PAPPA: variants seen among roughly 807,000 people sequenced by gnomAD.
PAPPA encodes pappalysin 1, also known as pappalysin-1.
Under a neutral mutation model 164.0 loss-of-function variants are expected in PAPPA, and 60 were observed. That is an observed-to-expected ratio of 0.37 (90% CI 0.30 to 0.45). The LOEUF is 0.45. PAPPA is among the 20% of genes least tolerant of loss of function. The pLI, the probability that PAPPA is intolerant of heterozygous loss-of-function variation, is 1.00. For synonymous variants in PAPPA, 875 were observed against 814.1 expected, an observed-to-expected ratio of 1.07 and a Z score of -1.27; for missense variants, 1,782 against 2,087.3, an observed-to-expected ratio of 0.85 and a Z score of 2.85.
chr9:116,155,806 C>A (rs949458272), intron 1 of PAPPA, among the ~76,000 whole-genome samples: 21 of 152,134 alleles, frequency 1.4e-4, no homozygotes, highest in Admixed American at 1.4e-3. Flanking sequence ...CCCAAGAATA[C>A]GTCTCCCGAA....
At chr9:116,289,135 T>TATATATATATATATATAGC (rs1564211957) in intron 9 of PAPPA, among the ~76,000 whole-genome samples, 2 of 49,706 alleles carry the variant, frequency 4.0e-5, no homozygotes, top group Admixed American at 3.0e-4. Context: ...TATATATATA[T>TATATATATATATATATAGC]ATATATATAT....
chr9:116,201,920 C>T (rs1844175747), intron 2 of PAPPA, among the ~76,000 whole-genome samples: 1 of 152,190 alleles, frequency 6.6e-6, no homozygotes, highest in African/African-American at 2.4e-5. Flanking sequence ...AGGGCATCTA[C>T]GCATGGCCAG....
At chr9:116,260,924 C>T (rs749379366) in intron 7 of PAPPA, among the ~76,000 whole-genome samples, 4 of 152,290 alleles carry the variant, frequency 2.6e-5, no homozygotes, top group South Asian at 2.1e-4. Flanking sequence ...TGATCCAAAA[C>T]AAAGTCTTTT....
At chr9:116,380,582 A>C (rs1588028506) in intron 20 of PAPPA, among the ~76,000 whole-genome samples, 1 of 152,352 alleles carries the variant, frequency 6.6e-6, no homozygotes, top group East Asian at 1.9e-4. Flanking sequence ...GGCAGGAAGG[A>C]AAAGAAAGGG....
At chr9:116,263,691 C>T (rs573944992) in intron 7 of PAPPA, among the ~76,000 whole-genome samples, 5 of 152,178 alleles carry the variant, frequency 3.3e-5, no homozygotes, top group Middle Eastern at 3.4e-3. Flanking sequence ...GGTAAAACAC[C>T]GGCCCATGAC....
At chr9:116,165,498 T>C (rs543611476) in intron 1 of PAPPA, among the ~76,000 whole-genome samples, 2 of 152,324 alleles carry the variant, frequency 1.3e-5, no homozygotes, top group South Asian at 4.1e-4. Flanking sequence ...CTCTTCTCTG[T>C]ACCTTAAATC....
In PAPPA at chr9:116,220,647, G is replaced by T. The variant is rs553596452; in HGVS notation, c.2111+518G>T. Reference sequence around the variant, plus strand: ...CTCACTCCTGTAATTCCAGCACTTTGGGAGGCCAAGGTGGGCAGATCATGA... The same window carrying T: ...CTCACTCCTGTAATTCCAGCACTTTTGGAGGCCAAGGTGGGCAGATCATGA... On this transcript the variant is annotated intron_variant, in intron 5 of 21. Transcript: ENST00000328252. 1.1e-3 allele frequency among the ~76,000 whole-genome samples: 168 copies of T among 151,886 alleles called. 4 individuals are homozygous for T. The South Asian group carries it at 0.032, about 29-fold the overall frequency.
At position 116,392,372 on chromosome 9, in the gene PAPPA, T is replaced by A. The variant is rs959115412; in HGVS notation, c.4777-4137T>A. Among the ~76,000 whole-genome samples, 15 of 152,286 alleles carry A rather than the reference T, an allele frequency of 9.8e-5. No homozygotes were observed. In the South Asian group the frequency reaches 1.0e-3, roughly 11 times the overall value. On this transcript the variant is annotated intron_variant, in intron 21 of 21. Coordinates refer to ENST00000328252, the MANE Select transcript of PAPPA (RefSeq NM_002581.5). ...GACTGGTACTGAGGCCTGAGACAGG[T>A]TAGTTTTGCTTTAAACATTCTGAAG...
chr9:116,344,073 C>A (rs1298363073), intron 13 of PAPPA, among the ~76,000 whole-genome samples: 1 of 152,118 alleles, frequency 6.6e-6, no homozygotes, highest in African/African-American at 2.4e-5. Context: ...GCCCAGCTAC[C>A]ATTTACTGAG....
At chr9:116,246,862 T>C (rs1182372201) in intron 7 of PAPPA, among the ~76,000 whole-genome samples, 1 of 151,782 alleles carries the variant, frequency 6.6e-6, no homozygotes, top group Non-Finnish European at 1.5e-5. Context: ...AAAATAACAA[T>C]AATAATAATT....
chr9:116,398,811 A>G lies in PAPPA; in HGVS notation c.*2195A>G, dbSNP rs899225138. 4 of 393,752 alleles carry G rather than the reference A, an allele frequency of 1.0e-5. No homozygotes were observed. The highest frequency in any genetic ancestry group is 2.0e-5 in the Non-Finnish European group (4 of 198,844). The allele number at this position is 393,752 out of a possible 1,614,324, so 24.4% of individuals were successfully genotyped here. A position where few individuals can be genotyped will look rare whatever the true frequency, so the allele number is the denominator to read the frequency against. On this transcript the variant is annotated 3_prime_UTR_variant, in exon 22 of 22. Coordinates refer to ENST00000328252, the MANE Select transcript of PAPPA (RefSeq NM_002581.5). The stretch of plus-strand genomic sequence containing the variant: ...TTTATATCCAGACCATTACTTCACT[A>G]TAATTACAAGGACAAATTATTAGCA...
At chr9:116,191,936 C>G (rs1844047589) in intron 2 of PAPPA, among the ~76,000 whole-genome samples, 1 of 152,114 alleles carries the variant, frequency 6.6e-6, no homozygotes, top group Non-Finnish European at 1.5e-5. Flanking sequence ...CCATTTACCC[C>G]CTTGGCCTGT....
rs545964222 is a variant in PAPPA, at chr9:116,363,156, T to A, written c.4495+417T>A. On this transcript the variant is annotated intron_variant, in intron 18 of 21. Coordinates refer to ENST00000328252, the MANE Select transcript of PAPPA (RefSeq NM_002581.5). Reference sequence around the variant, plus strand: ...AATAGCAGTCTGGTGCAGCTTCTTTTATTATTAATCTTGAAATTTGCATCA... The same window carrying A: ...AATAGCAGTCTGGTGCAGCTTCTTTAATTATTAATCTTGAAATTTGCATCA... Among the ~76,000 whole-genome samples the A allele has an allele frequency of 1.1e-3, 175 of 152,338 alleles. 1 individual carries two copies. The highest frequency in any genetic ancestry group is 3.8e-3 in the African/African-American group (159 of 41,574).
intron 2 of PAPPA, among the ~76,000 whole-genome samples, chr9:116,189,877 T>C (rs1428088844): frequency 6.6e-6 from 1 of 152,216 alleles, no homozygotes; most frequent in African/African-American, 2.4e-5. Flanking sequence ...ATGAGGATGC[T>C]GGCAGGAGAA....
chr9:116,323,633 C>T (rs1332617514), intron 10 of PAPPA, among the ~76,000 whole-genome samples: 2 of 152,166 alleles, frequency 1.3e-5, no homozygotes, highest in East Asian at 3.8e-4. Flanking sequence ...ATTGTCTTTG[C>T]CCAAAAAGGT....
chr9:116,221,286 G>T (rs1844442994), intron 5 of PAPPA, among the ~76,000 whole-genome samples: 2 of 152,120 alleles, frequency 1.3e-5, no homozygotes, highest in African/African-American at 4.8e-5. Flanking sequence ...TTGGAATTTT[G>T]CCATAATTCA....
In PAPPA at chr9:116,254,651, G is replaced by C. The variant is rs1037089255; in HGVS notation, c.2733-11206G>C. 2.0e-5 allele frequency among the ~76,000 whole-genome samples: 3 copies of C among 151,912 alleles called. No homozygotes were observed. The South Asian group carries it at 6.2e-4, about 32-fold the overall frequency. Reference sequence around the variant, plus strand: ...CAAAAAATTAGCCGGGCGTGGTGGTGGGCGCCTGTAATCCCAGCTACTCAG... The same window carrying C: ...CAAAAAATTAGCCGGGCGTGGTGGTCGGCGCCTGTAATCCCAGCTACTCAG... On this transcript the variant is annotated intron_variant, in intron 7 of 21. Coordinates refer to ENST00000328252, the MANE Select transcript of PAPPA (RefSeq NM_002581.5).
At chr9:116,236,907 CA>C (rs1844674871) in intron 7 of PAPPA, among the ~76,000 whole-genome samples, 1 of 152,224 alleles carries the variant, frequency 6.6e-6, no homozygotes. Flanking sequence ...TAAGCCACTG[CA>C]CTCAACTGGT....
At chr9:116,181,408 A>G (rs535147855) in intron 1 of PAPPA, among the ~76,000 whole-genome samples, 6 of 152,066 alleles carry the variant, frequency 3.9e-5, no homozygotes, top group Admixed American at 1.3e-4. Context: ...GTATCTTCAC[A>G]TAGTCTTTTC....
Sources: allele counts gnomAD v4.1 joint callset (sites outside exome capture counted in the v4.1 genomes callset), GRCh38; gene constraint gnomAD v4.1.1; transcripts MANE v1.5; gene names NCBI Gene and HGNC (gene_info 2026-07-23, HGNC 2026-07-21).